The following SPPL2B variants were observed in gnomAD, a reference collection of about 807,000 sequenced individuals.
SPPL2B encodes signal peptide peptidase like 2B.
SPPL2B carries 39 observed loss-of-function variants against 59.7 expected under a neutral mutation model. The ratio of observed to expected loss-of-function variants is 0.65; its 90% CI spans 0.51 to 0.85. The LOEUF (loss-of-function observed/expected upper bound fraction) is 0.85, where lower values mean the gene tolerates loss of function less well. Ranked by LOEUF, SPPL2B falls within the 40% of genes least tolerant of loss-of-function variation. SPPL2B has a pLI of 0.00. For synonymous variants in SPPL2B, 419 were observed against 370.8 expected (o/e 1.13, Z -1.49); for missense variants, 865 against 849.0 (o/e 1.02, Z -0.23).
chr19:2,353,694 C>T lies in SPPL2B; in HGVS notation c.*485C>T, dbSNP rs1305421088. On this transcript the variant is annotated 3_prime_UTR_variant, in exon 15 of 15. Coordinates refer to ENST00000613503, the MANE Select transcript of SPPL2B (RefSeq NM_152988.3). ...TTTTCCCTCTTGAGCAGATCGGAGC[C>T]CCTGGGAGGTTTGGAAGCTGCCTCC... 6.4e-6 allele frequency: 1 copy of T among 156,358 alleles called. No homozygotes were observed. The highest frequency in any genetic ancestry group is 1.9e-4 in the East Asian group (1 of 5,200). 9.7% of individuals were successfully genotyped at this position (156,358 alleles called of 1,614,324 possible).
intron 13 of SPPL2B, 71 bp from the exon 14 acceptor site, chr19:2,351,363 C>T (rs1969913894): frequency 2.0e-5 from 27 of 1,323,660 alleles, no homozygotes; most frequent in Admixed American, 3.8e-5. Context: ...AGCCCGCTCA[C>T]GTTCTTCCCA....
intron 7 of SPPL2B, 25 bp from the exon 8 acceptor site, chr19:2,340,873 G>A: frequency 2.0e-6 from 3 of 1,482,188 alleles, no homozygotes; most frequent in Non-Finnish European, 2.8e-6. Context: ...GGTGGGCTTG[G>A]CTCTGACTGC....
At chr19:2,346,250 CGGCCACTCCCAG>C (rs1568446949) in intron 13 of SPPL2B, among the ~76,000 whole-genome samples, 1 of 152,260 alleles carries the variant, frequency 6.6e-6, no homozygotes, top group African/African-American at 2.4e-5. Context: ...GCTCCCTAAA[CGGCCACTCCCAG>C]GGCCAGGAGA....
At chr19:2,337,672 G>T (rs1328491309) in intron 3 of SPPL2B, 47 bp downstream of exon 3, 17 of 1,485,442 alleles carry the variant, frequency 1.1e-5, no homozygotes, top group Non-Finnish European at 1.5e-5. Context: ...AGGGGCAGGA[G>T]GGGGGTGCAG....
At chr19:2,329,438 G>A (rs1248152406) in intron 1 of SPPL2B, among the ~76,000 whole-genome samples, 3 of 152,216 alleles carry the variant, frequency 2.0e-5, no homozygotes, top group South Asian at 4.1e-4. Context: ...TATGTTCATT[G>A]TGTGTCATTT....
intron 1 of SPPL2B, among the ~76,000 whole-genome samples, chr19:2,329,584 C>G (rs542505770): frequency 3.2e-4 from 49 of 152,274 alleles, no homozygotes; most frequent in African/African-American, 1.1e-3. Flanking sequence ...CTGGAGCAGC[C>G]CCACAAATGC....
chr19:2,345,314 C>G lies in SPPL2B; in HGVS notation c.1338C>G (p.Phe446Leu), dbSNP rs370504186. The change falls in exon 13 of 15, where the codon TTC becomes TTG. Residue 446 changes from phenylalanine to leucine, a missense_variant. Phe to Leu is a conservative substitution (Grantham distance 22). Coordinates refer to ENST00000613503, the MANE Select transcript of SPPL2B (RefSeq NM_152988.3). Reference sequence around the variant, plus strand: ...AGGTACAGTCCTCCAGGGTATACTTCGTGGCCTGCACCATCGGTAAGTGCC... The same window carrying G: ...AGGTACAGTCCTCCAGGGTATACTTGGTGGCCTGCACCATCGGTAAGTGCC... ...DIQVQSSRVYFVACTIAYGVG... is the reference protein window; with the variant it reads ...DIQVQSSRVYLVACTIAYGVG... 8 of 1,613,046 alleles carry G rather than the reference C, an allele frequency of 5.0e-6. No individual in the cohort carries two copies. Among genetic ancestry groups the G allele is most frequent in the Admixed American group, 1.7e-5 (1 of 59,976 alleles).
chr19:2,351,203 C>T (rs971342331), intron 13 of SPPL2B, among the ~76,000 whole-genome samples: 11 of 152,200 alleles, frequency 7.2e-5, no homozygotes, highest in African/African-American at 2.4e-4. Context: ...TCCATGTCCT[C>T]GGTGACCCTG....
At chr19:2,346,279 G>T (rs1226834201) in intron 13 of SPPL2B, among the ~76,000 whole-genome samples, 5 of 152,350 alleles carry the variant, frequency 3.3e-5, no homozygotes, top group Admixed American at 2.6e-4. Context: ...GAGAGTTCAG[G>T]CCGGCCTGTC....
chr19:2,341,205 C>T (rs769301981), intron 8 of SPPL2B, 191 bp downstream of exon 8: 15 of 692,828 alleles, frequency 2.2e-5, no homozygotes, highest in East Asian at 1.1e-4. Flanking sequence ...GGGGTTTGTC[C>T]GGGTGTCATG....
chr19:2,351,549 C>T lies in SPPL2B; in HGVS notation c.1470C>T (p.Leu490=). ...TGGTGACGAGCTGCGCTGTGGCGCT[C>T]TGGCGCCGGGAGCTGGGCGTGTTCT... is the stretch of plus-strand genomic sequence containing the variant. ...CTLVTSCAVA[L]WRRELGVFWT... is the part of the protein sequence containing the mutation. Residue 490 remains leucine (L), a synonymous_variant, in exon 14 of 15, where the codon CTC becomes CTT. Coordinates refer to ENST00000613503, the MANE Select transcript of SPPL2B (RefSeq NM_152988.3). The T allele has an allele frequency of 6.2e-7, 1 of 1,611,402 alleles. No homozygotes were observed. Among genetic ancestry groups the T allele is most frequent in the Non-Finnish European group, 8.5e-7 (1 of 1,179,376 alleles).
rs1357510775 is a variant in SPPL2B at position 2,344,595 on chromosome 19, C to G, written c.1219C>G (p.Leu407Val). Residue 407 changes from leucine to valine, a missense_variant, in exon 12 of 15, where the codon CTG becomes GTG. Physicochemically the swap from Leu to Val is conservative, Grantham distance 32. Transcript: ENST00000613503. ...GGTGCCCAGGCTGAACTCCTCACCT[C>G]TGGCCCTGTGTGACCGGCCCTTCTC... Reference protein sequence around the residue: ...LKVPRLNSSPLALCDRPFSLL... With the variant: ...LKVPRLNSSPVALCDRPFSLL... 4 of 1,613,330 alleles carry G rather than the reference C, an allele frequency of 2.5e-6. No homozygotes were observed. In the South Asian group the frequency reaches 3.3e-5, roughly 13 times the overall value.
intron 3 of SPPL2B, 165 bp downstream of exon 3, chr19:2,337,790 C>T (rs556019122): frequency 1.3e-5 from 9 of 674,458 alleles, no homozygotes; most frequent in Admixed American, 7.0e-5. Flanking sequence ...GGATCCGGGC[C>T]GAGTGTGGCC....
rs375023297 is a variant in SPPL2B, at chr19:2,353,198, G to T, written c.1768G>T (p.Ala590Ser). 18 of 1,600,686 alleles carry T rather than the reference G, an allele frequency of 1.1e-5. No individual in the cohort carries two copies. The highest frequency in any genetic ancestry group is 1.8e-4 in the Middle Eastern group (1 of 5,498). The change falls in exon 15 of 15, where the codon GCC (alanine) becomes TCC (serine). Residue 590 changes from alanine (A) to serine (S), a missense_variant. By Grantham distance (99) the Ala-to-Ser change is moderately conservative. Coordinates refer to ENST00000613503, the MANE Select transcript of SPPL2B (RefSeq NM_152988.3). ...AQPSPVTQPG[A>S]SA is the part of the protein sequence containing the mutation. ...GCCGTCCCCGGTAACCCAGCCTGGC[G>T]CCTCGGCCTAGGGGAGGGGTGAGAC...
At chr19:2,338,926 A>G (rs1402471238) in intron 4 of SPPL2B, 85 bp downstream of exon 4, 1 of 1,512,760 alleles carries the variant, frequency 6.6e-7, no homozygotes, top group African/African-American at 1.4e-5. Context: ...TTTGTGCCTC[A>G]GTTGGTGGGA....
chr19:2,353,506 A>G lies in SPPL2B; in HGVS notation c.*297A>G. Reference sequence around the variant, plus strand: ...CGCAGGCCCTGCCCGGCCTCTCTGCAGACCCTCAAGCGTCGTCTGCATGAG... The same window carrying G: ...CGCAGGCCCTGCCCGGCCTCTCTGCGGACCCTCAAGCGTCGTCTGCATGAG... On this transcript the variant is annotated 3_prime_UTR_variant, in exon 15 of 15. Transcript: ENST00000613503. The G allele has an allele frequency of 2.3e-6, 1 of 434,864 alleles. No homozygotes were observed. Among genetic ancestry groups the G allele is most frequent in the South Asian group, 2.8e-5 (1 of 35,870 alleles). 26.9% of individuals were successfully genotyped at this position (434,864 alleles called of 1,614,324 possible).
In SPPL2B at chr19:2,338,857, C is replaced by A; in HGVS notation, c.459+16C>A. ...CATCTTCACGGTAGGTCTGCGCCGG[C>A]TCAGACCCACGCTCCCGAGGAGATG... On this transcript the variant is annotated intron_variant, in intron 4 of 14. Transcript: ENST00000613503. 6.2e-7 allele frequency: 1 copy of A among 1,610,574 alleles called. No homozygotes were observed. The highest frequency in any genetic ancestry group is 8.5e-7 in the Non-Finnish European group (1 of 1,177,582).
At position 2,328,730 on chromosome 19, in the gene SPPL2B, T is replaced by C. The variant is rs1968115167; in HGVS notation, c.21T>C (p.Ala7=). The change falls in exon 1 of 15, where the codon GCT becomes GCC. Residue 7 remains alanine, a synonymous_variant. Transcript: ENST00000613503. The part of the protein sequence containing the change: MAAAVA[A]ALARLLAAFL... ...CCGACATGGCGGCAGCGGTGGCGGC[T>C]GCGCTGGCGCGGCTTTTGGCGGCCT... The C allele has an allele frequency of 2.7e-6, 4 of 1,457,456 alleles. No individual in the cohort carries two copies. Among genetic ancestry groups the C allele is most frequent in the Non-Finnish European group, 3.6e-6 (4 of 1,113,338 alleles). The allele number at this position is 1,457,456 out of a possible 1,614,324, so 90.3% of individuals were successfully genotyped here. A position where few individuals can be genotyped will look rare whatever the true frequency, so the allele number is the denominator to read the frequency against.
At chr19:2,337,251 C>T in intron 2 of SPPL2B, 192 bp from the exon 3 acceptor site, 1 of 519,832 alleles carries the variant, frequency 1.9e-6, no homozygotes, top group Non-Finnish European at 3.3e-6. Flanking sequence ...TGAGGCAGCC[C>T]AGCCCGTCGC....
Sources: allele counts gnomAD v4.1 joint callset (sites outside exome capture counted in the v4.1 genomes callset), GRCh38; gene constraint gnomAD v4.1.1; transcripts MANE v1.5; gene names NCBI Gene and HGNC (gene_info 2026-07-23, HGNC 2026-07-21).